Variants in CEP41 observed in about 807,000 individuals in gnomAD.
CEP41 encodes the protein centrosomal protein 41, also known as centrosomal protein of 41 kDa.
A neutral mutation model predicts 44.3 loss-of-function variants in CEP41; 32 were observed. That is an observed-to-expected ratio of 0.72 (90% CI 0.54 to 0.97). The LOEUF (loss-of-function observed/expected upper bound fraction) is 0.97, where lower values mean the gene tolerates loss of function less well. CEP41 is among the 50% of genes least tolerant of loss of function. CEP41 has a pLI of 0.00. For missense variants in CEP41, 432 were observed against 455.2 expected (o/e 0.95, Z 0.46); for synonymous variants, 151 against 168.5 (o/e 0.90, Z 0.80).
At chr7:130,414,284 CT>C (rs1554420418) in intron 3 of CEP41, among the ~76,000 whole-genome samples, 1 of 152,230 alleles carries the variant, frequency 6.6e-6, no homozygotes, top group African/African-American at 2.4e-5. Flanking sequence ...TGCAGTGGAA[CT>C]TCTAAAACCT....
chr7:130,421,511 AAAC>A, intron 2 of CEP41: 1 of 984,106 alleles, frequency 1.0e-6, no homozygotes, highest in Non-Finnish European at 1.2e-6. Flanking sequence ...AAACAGAATT[AAAC>A]AACAAATAAA....
intron 1 of CEP41, 136 bp downstream of exon 1, chr7:130,440,798 C>CCA (rs1798129656): frequency 1.7e-6 from 1 of 593,348 alleles, no homozygotes; most frequent in East Asian, 3.8e-5. Context: ...CCCGCCCCTG[C>CCA]ATCCCGACCC....
intron 3 of CEP41, among the ~76,000 whole-genome samples, chr7:130,416,676 C>T (rs184104342): frequency 6.6e-6 from 1 of 152,336 alleles, no homozygotes; most frequent in East Asian, 1.9e-4. Context: ...ACTCTGCAGG[C>T]CAACACTAAT....
chr7:130,403,608 A>G (rs1180816190), intron 6 of CEP41, among the ~76,000 whole-genome samples: 1 of 152,210 alleles, frequency 6.6e-6, no homozygotes, highest in Non-Finnish European at 1.5e-5. Flanking sequence ...CTTTCTTAGG[A>G]AATATTAAGA....
At chr7:130,417,643 G>A (rs556406225) in intron 2 of CEP41, among the ~76,000 whole-genome samples, 37 of 152,264 alleles carry the variant, frequency 2.4e-4, no homozygotes, top group African/African-American at 8.9e-4. Context: ...GAGGTTTTCA[G>A]ACTTAAAAAA....
chr7:130,428,914 A>AAAAAAAAAAAAT (rs1554424415), intron 1 of CEP41, among the ~76,000 whole-genome samples: 27 of 150,650 alleles, frequency 1.8e-4, no homozygotes, highest in African/African-American at 6.3e-4. Flanking sequence ...CTGTCTCAAA[A>AAAAAAAAAAAAT]AAATAAATAA....
intron 9 of CEP41, 131 bp from the exon 10 acceptor site, chr7:130,400,385 C>A: frequency 1.4e-6 from 1 of 726,564 alleles, no homozygotes; most frequent in Non-Finnish European, 2.5e-6. Flanking sequence ...TGAAATCTTT[C>A]TTAACTATTT....
At chr7:130,417,041 G>C (rs1797359063) in intron 2 of CEP41, 75 bp from the exon 3 acceptor site, 1 of 1,371,254 alleles carries the variant, frequency 7.3e-7, no homozygotes, top group Non-Finnish European at 1.0e-6. Context: ...ACAGAATGGA[G>C]GAAAAGTATC....
intron 1 of CEP41, among the ~76,000 whole-genome samples, chr7:130,436,866 G>A (rs948081718): frequency 2.0e-5 from 3 of 152,058 alleles, no homozygotes; most frequent in African/African-American, 7.2e-5. Context: ...GTAAAACCCC[G>A]TCTCTACTAA....
At chr7:130,432,925 T>A (rs908081214) in intron 1 of CEP41, among the ~76,000 whole-genome samples, 11 of 152,048 alleles carry the variant, frequency 7.2e-5, no homozygotes, top group Non-Finnish European at 1.0e-4. Context: ...GAGTGCAGAC[T>A]GAAAAACCCC....
chr7:130,411,351 C>CTT (rs1935723696), intron 4 of CEP41, among the ~76,000 whole-genome samples, 160 bp from the exon 5 acceptor site: 1 of 152,186 alleles, frequency 6.6e-6, no homozygotes, highest in East Asian at 1.9e-4. Flanking sequence ...GGCCTCCTTC[C>CTT]TTTTGTGTTG....
At chr7:130,421,428 A>G (rs1472834271) in intron 2 of CEP41, 21 of 985,340 alleles carry the variant, frequency 2.1e-5, no homozygotes, top group Non-Finnish European at 2.4e-5. Flanking sequence ...GTTAACCTCA[A>G]TAAGTGATAT....
At chr7:130,407,258 ACACACACACAC>A (rs1797042862) in intron 5 of CEP41, among the ~76,000 whole-genome samples, 5 of 116,432 alleles carry the variant, frequency 4.3e-5, no homozygotes, top group East Asian at 4.8e-4. Flanking sequence ...GAGTAAACAC[ACACACACACAC>A]ACACACACAC....
At chr7:130,427,484 T>TA (rs1232894456) in intron 2 of CEP41, among the ~76,000 whole-genome samples, 19 of 148,586 alleles carry the variant, frequency 1.3e-4, no homozygotes, top group South Asian at 6.4e-4. Flanking sequence ...ACTCTTTAAC[T>TA]AAAAAAAAAA....
chr7:130,402,901 TC>T (rs1200115445), intron 6 of CEP41, 102 bp from the exon 7 acceptor site: 1 of 1,223,030 alleles, frequency 8.2e-7, no homozygotes, highest in African/African-American at 1.5e-5. Flanking sequence ...CAATGTCTTT[TC>T]AAAGGACGCT....
intron 2 of CEP41, among the ~76,000 whole-genome samples, chr7:130,417,522 T>C (rs973016811): frequency 1.3e-5 from 2 of 152,110 alleles, no homozygotes; most frequent in Admixed American, 6.5e-5. Flanking sequence ...GTATTCACCA[T>C]AGATTTGATG....
At chr7:130,410,880 T>C (rs1382781535) in intron 5 of CEP41, 4 of 574,538 alleles carry the variant, frequency 7.0e-6, no homozygotes, top group African/African-American at 5.6e-5. Context: ...AAGTAATTAG[T>C]ATATTAAACA....
At chr7:130,403,117 C>G (rs782077514) in intron 6 of CEP41, among the ~76,000 whole-genome samples, 2 of 152,024 alleles carry the variant, frequency 1.3e-5, no homozygotes, top group Non-Finnish European at 2.9e-5. Flanking sequence ...AGGGCAGCAT[C>G]AGAGGGAGAA....
chr7:130,407,203 C>T, intron 5 of CEP41, among the ~76,000 whole-genome samples: 1 of 148,672 alleles, frequency 6.7e-6, no homozygotes, highest in East Asian at 2.0e-4. Context: ...AATACTAATC[C>T]CAGAGGGATT....
Sources: gnomAD v4.1 joint callset for allele counts (sites outside exome capture counted in the v4.1 genomes callset) on GRCh38, gnomAD v4.1.1 for gene constraint, MANE v1.5 for transcripts, NCBI Gene and HGNC (gene_info 2026-07-23, HGNC 2026-07-21) for gene names.